Variants in ADAMTS12 observed in about 807,000 individuals in gnomAD.
ADAMTS12 encodes the protein A disintegrin and metalloproteinase with thrombospondin motifs 12.
In ADAMTS12, 118 loss-of-function variants were observed where a neutral mutation model predicts 167.8. The ratio of observed to expected loss-of-function variants is 0.70; its 90% CI spans 0.61 to 0.82. ADAMTS12 has a LOEUF of 0.82. ADAMTS12 is among the 40% of genes least tolerant of loss of function. ADAMTS12 has a pLI of 0.00. For missense variants in ADAMTS12, 1,916 were observed against 1,998.8 expected, an observed-to-expected ratio of 0.96 and a Z score of 0.79; for synonymous variants, 704 against 716.9, an observed-to-expected ratio of 0.98 and a Z score of 0.29.
chr5:33,801,651 T>C (rs1747013810), intron 2 of ADAMTS12, among the ~76,000 whole-genome samples: 1 of 152,184 alleles, frequency 6.6e-6, no homozygotes, highest in East Asian at 1.9e-4. Context: ...TAGAAACATT[T>C]ACTAAGCACT....
intron 22 of ADAMTS12, among the ~76,000 whole-genome samples, chr5:33,538,489 T>C (rs1744523137): frequency 6.6e-6 from 1 of 152,102 alleles, no homozygotes; most frequent in Non-Finnish European, 1.5e-5. Flanking sequence ...TTGTTGCCAA[T>C]GAGACATGAG....
chr5:33,695,155 T>C (rs1189804021), intron 3 of ADAMTS12, among the ~76,000 whole-genome samples: 1 of 152,226 alleles, frequency 6.6e-6, no homozygotes, highest in East Asian at 1.9e-4. Context: ...AGAGATGATG[T>C]CCACAATAGA....
intron 3 of ADAMTS12, among the ~76,000 whole-genome samples, chr5:33,742,801 C>T (rs1744641496): frequency 6.6e-6 from 1 of 152,132 alleles, no homozygotes; most frequent in African/African-American, 2.4e-5. Flanking sequence ...ATGACTATGG[C>T]CAGCTCTGTC....
chr5:33,596,557 C>T (rs1737889939), intron 16 of ADAMTS12, among the ~76,000 whole-genome samples: 1 of 152,150 alleles, frequency 6.6e-6, no homozygotes, highest in Non-Finnish European at 1.5e-5. Context: ...TGGTGGGCTC[C>T]TGTCATCTCA....
At chr5:33,630,652 A>G (rs1739873789) in intron 13 of ADAMTS12, 128 bp downstream of exon 13, 4 of 1,025,934 alleles carry the variant, frequency 3.9e-6, no homozygotes, top group Non-Finnish European at 5.6e-6. Flanking sequence ...TTTTCGTTTC[A>G]TGAACTATAT....
intron 19 of ADAMTS12, among the ~76,000 whole-genome samples, chr5:33,574,524 A>T (rs1219771550): frequency 6.7e-6 from 1 of 149,732 alleles, no homozygotes; most frequent in East Asian, 2.0e-4. Context: ...GCATGTTCTC[A>T]CTCATAGATG....
At position 33,891,833 on chromosome 5, in the gene ADAMTS12, C is replaced by T. The variant is rs371627742; in HGVS notation, c.24G>A (p.Trp8Ter). The change falls in exon 1 of 24, where the codon TGG (tryptophan) becomes TGA (stop). Residue 8 changes from tryptophan to a stop codon, truncating the protein, a stop_gained. Transcript: ENST00000504830. LOFTEE classifies it high-confidence loss of function. ...GAGCCACCACGGAAAGGTTTGCAAG[C>T]CAGCTCCTCTGGGCACATGGCATGA... Reference protein sequence around the residue: MPCAQRSWLANLSVVAQL... With the variant: MPCAQRS 2.5e-6 allele frequency: 4 copies of T among 1,614,208 alleles called. No homozygotes were observed. The highest frequency in any genetic ancestry group is 3.4e-6 in the Non-Finnish European group (4 of 1,180,030).
chr5:33,798,585 C>CA (rs764334474), intron 2 of ADAMTS12, among the ~76,000 whole-genome samples: 1 of 152,048 alleles, frequency 6.6e-6, no homozygotes, highest in Non-Finnish European at 1.5e-5. Flanking sequence ...GGACTACAGG[C>CA]ACCCACCATT....
chr5:33,616,223 A>G (rs1225406179), intron 14 of ADAMTS12, 151 bp from the exon 15 acceptor site: 1 of 1,063,880 alleles, frequency 9.4e-7, no homozygotes, highest in Admixed American at 2.9e-5. Flanking sequence ...AGCACTACTT[A>G]TGGGGGATTT....
chr5:33,669,639 C>A (rs1741598391), intron 5 of ADAMTS12, among the ~76,000 whole-genome samples: 1 of 150,742 alleles, frequency 6.6e-6, no homozygotes, highest in East Asian at 1.9e-4. Flanking sequence ...GAGTTGAAGG[C>A]CAGAAGGTGT....
At chr5:33,777,322 C>T (rs991158109) in intron 2 of ADAMTS12, among the ~76,000 whole-genome samples, 30 of 152,098 alleles carry the variant, frequency 2.0e-4, no homozygotes, top group African/African-American at 7.2e-4. Flanking sequence ...TTAAAAAAAT[C>T]ATGCAACATA....
intron 20 of ADAMTS12, among the ~76,000 whole-genome samples, chr5:33,557,266 A>G (rs73078364): frequency 0.047 from 7,162 of 152,258 alleles, 561 homozygotes; most frequent in African/African-American, 0.17. Flanking sequence ...AGAAAATTCC[A>G]GGTAAAATTA....
chr5:33,636,032 C>T (rs1483826219), intron 12 of ADAMTS12, among the ~76,000 whole-genome samples: 2 of 152,170 alleles, frequency 1.3e-5, no homozygotes, highest in African/African-American at 4.8e-5. Flanking sequence ...GTATAACGCT[C>T]ACTTCTTTAG....
At chr5:33,558,053 T>A (rs256636) in intron 20 of ADAMTS12, among the ~76,000 whole-genome samples, 101,273 of 151,736 alleles carry the variant, frequency 0.67, 34,877 homozygotes, top group African/African-American at 0.84. Context: ...ATTCTACATT[T>A]TGGTGAGTTT....
chr5:33,773,737 C>A (rs550479870), intron 2 of ADAMTS12, among the ~76,000 whole-genome samples: 3 of 152,280 alleles, frequency 2.0e-5, no homozygotes, highest in South Asian at 2.1e-4. Context: ...GCACCACATA[C>A]CCCGAGCTAC....
At position 33,624,202 on chromosome 5, in the gene ADAMTS12, G is replaced by T. The variant is rs372054141; in HGVS notation, c.2143+29C>A. 6 of 1,612,994 alleles carry T rather than the reference G, an allele frequency of 3.7e-6. No homozygotes were observed. In the African/African-American group the frequency reaches 4.0e-5, roughly 11 times the overall value. ...TCTTGCCCCCCACCTTTGGTCCCCT[G>T]CCACTTCGATTATTTATTTGTTTAT... On this transcript the variant is annotated intron_variant, in intron 14 of 23. Transcript: ENST00000504830.
At chr5:33,812,272 G>C (rs1747489924) in intron 2 of ADAMTS12, among the ~76,000 whole-genome samples, 2 of 152,210 alleles carry the variant, frequency 1.3e-5, no homozygotes, top group African/African-American at 2.4e-5. Context: ...CTGGGTGACA[G>C]AGCAAGACTC....
chr5:33,531,023 T>C (rs116799890), intron 23 of ADAMTS12, among the ~76,000 whole-genome samples: 4,937 of 152,152 alleles, frequency 0.032, 115 homozygotes, highest in Non-Finnish European at 0.049. Context: ...GTGGTGTCCT[T>C]ATAAAAAGAG....
intron 22 of ADAMTS12, among the ~76,000 whole-genome samples, chr5:33,540,070 A>G (rs1744614796): frequency 2.0e-5 from 3 of 152,230 alleles, no homozygotes; most frequent in Admixed American, 2.0e-4. Flanking sequence ...AAGCCATGAC[A>G]GACTGTACCT....
Sources: allele counts gnomAD v4.1 joint callset (sites outside exome capture counted in the v4.1 genomes callset), GRCh38; gene constraint gnomAD v4.1.1; transcripts MANE v1.5; gene names NCBI Gene and HGNC (gene_info 2026-07-23, HGNC 2026-07-21).